Variants in PARD3 observed in about 807,000 individuals in gnomAD.
PARD3 encodes partitioning defective 3 homolog.
A neutral mutation model predicts 155.4 loss-of-function variants in PARD3; 75 were observed. The ratio of observed to expected loss-of-function variants is 0.48; its 90% CI spans 0.40 to 0.58. The LOEUF is 0.58. Among genes scored for constraint, PARD3 ranks in the 20% least tolerant of loss-of-function variants. PARD3 has a pLI of 0.00. For missense variants in PARD3, 1,642 were observed against 1,721.7 expected (o/e 0.95, Z 0.82); for synonymous variants, 576 against 610.5 (o/e 0.94, Z 0.83).
At chr10:34,363,085 T>C (rs926984076) in intron 12 of PARD3, among the ~76,000 whole-genome samples, 2 of 152,248 alleles carry the variant, frequency 1.3e-5, no homozygotes, top group African/African-American at 4.8e-5. Context: ...GCTTCAACTC[T>C]GGAAGGTTCT....
chr10:34,409,657 C>T (rs1589464333), intron 5 of PARD3, among the ~76,000 whole-genome samples: 1 of 152,232 alleles, frequency 6.6e-6, no homozygotes, highest in Non-Finnish European at 1.5e-5. Context: ...TCCCACCACA[C>T]ACTAGTGACC....
At chr10:34,602,692 T>A (rs936107901) in intron 2 of PARD3, among the ~76,000 whole-genome samples, 1 of 152,220 alleles carries the variant, frequency 6.6e-6, no homozygotes, top group Non-Finnish European at 1.5e-5. Flanking sequence ...TGTACATATG[T>A]ATAATCTATG....
chr10:34,383,627 A>T (rs1842070646), intron 8 of PARD3, among the ~76,000 whole-genome samples: 1 of 152,162 alleles, frequency 6.6e-6, no homozygotes, highest in Non-Finnish European at 1.5e-5. Flanking sequence ...GCCTTGTTTT[A>T]TAAGAACTGG....
chr10:34,734,420 C>G (rs891418853), intron 1 of PARD3, among the ~76,000 whole-genome samples: 1 of 149,262 alleles, frequency 6.7e-6, no homozygotes, highest in African/African-American at 2.5e-5. Context: ...ACTGCAAGCT[C>G]CGCCTCCTGG....
At chr10:34,316,049 A>G (rs1767379696) in intron 20 of PARD3, among the ~76,000 whole-genome samples, 1 of 152,206 alleles carries the variant, frequency 6.6e-6, no homozygotes, top group South Asian at 2.1e-4. Context: ...TGAGTTATGG[A>G]GGTCAATTTC....
At chr10:34,194,453 C>G (rs952230405) in intron 22 of PARD3, among the ~76,000 whole-genome samples, 9 of 152,138 alleles carry the variant, frequency 5.9e-5, no homozygotes, top group African/African-American at 2.2e-4. Flanking sequence ...ACCAAGATCG[C>G]ACAGAGAAAG....
intron 2 of PARD3, among the ~76,000 whole-genome samples, chr10:34,640,293 G>A (rs142690002): frequency 3.5e-4 from 53 of 152,288 alleles, no homozygotes; most frequent in African/African-American, 1.3e-3. Flanking sequence ...ACTCAGTGAA[G>A]CTGGAACTGA....
chr10:34,267,121 A>AT (rs11365497), intron 22 of PARD3, among the ~76,000 whole-genome samples: 10,324 of 149,942 alleles, frequency 0.069, 477 homozygotes, highest in Non-Finnish European at 0.097. Flanking sequence ...ATGTCAACTA[A>AT]TTTTTTTTTT....
intron 1 of PARD3, among the ~76,000 whole-genome samples, chr10:34,791,209 C>T (rs1841577311): frequency 6.6e-6 from 1 of 152,196 alleles, no homozygotes; most frequent in Admixed American, 6.5e-5. Context: ...GACGCTTGTA[C>T]CCGTCACCAA....
intron 2 of PARD3, among the ~76,000 whole-genome samples, chr10:34,681,662 T>C (rs2093823129): frequency 7.0e-6 from 1 of 142,920 alleles, no homozygotes; most frequent in South Asian, 2.2e-4. Context: ...GTATTATACA[T>C]GTTATATATA....
chr10:34,518,698 T>C (rs905534344), intron 2 of PARD3, among the ~76,000 whole-genome samples: 1 of 151,964 alleles, frequency 6.6e-6, no homozygotes, highest in African/African-American at 2.4e-5. Context: ...AAATAATAAA[T>C]AGAAGGAATG....
intron 24 of PARD3, among the ~76,000 whole-genome samples, chr10:34,117,228 C>T (rs949854935): frequency 3.9e-5 from 6 of 152,216 alleles, no homozygotes; most frequent in African/African-American, 1.2e-4. Flanking sequence ...CTTAGAGACA[C>T]TCTCAGGCAC....
chr10:34,132,957 C>A (rs551074538), intron 22 of PARD3, among the ~76,000 whole-genome samples: 1 of 152,254 alleles, frequency 6.6e-6, no homozygotes, highest in African/African-American at 2.4e-5. Context: ...CTGGGGATGG[C>A]TGGAGAGGAG....
At chr10:34,557,533 C>T (rs1171380827) in intron 2 of PARD3, among the ~76,000 whole-genome samples, 1 of 152,076 alleles carries the variant, frequency 6.6e-6, no homozygotes, top group Non-Finnish European at 1.5e-5. Context: ...GGCCAGAGTG[C>T]AATGGTGCAA....
intron 2 of PARD3, among the ~76,000 whole-genome samples, chr10:34,559,827 T>G (rs553899889): frequency 6.6e-6 from 1 of 152,292 alleles, no homozygotes; most frequent in East Asian, 1.9e-4. Flanking sequence ...AAAACGCACT[T>G]CTGAGGCTTT....
intron 20 of PARD3, among the ~76,000 whole-genome samples, chr10:34,308,583 C>T (rs1010009220): frequency 1.3e-5 from 2 of 152,092 alleles, no homozygotes. Flanking sequence ...GGAAGGCTCG[C>T]GGGAGCAGTT....
At chr10:34,528,364 G>C (rs2082616033) in intron 2 of PARD3, among the ~76,000 whole-genome samples, 1 of 152,144 alleles carries the variant, frequency 6.6e-6, no homozygotes, top group Non-Finnish European at 1.5e-5. Context: ...CAGAATAATG[G>C]AGATGGAGAC....
chr10:34,169,206 C>T (rs895995597), intron 22 of PARD3, among the ~76,000 whole-genome samples: 5 of 152,192 alleles, frequency 3.3e-5, no homozygotes, highest in African/African-American at 7.2e-5. Flanking sequence ...TTTCTATGTG[C>T]TGTGCATTGC....
chr10:34,399,536 C>T (rs942411248), intron 6 of PARD3, 123 bp from the exon 7 acceptor site: 12 of 687,058 alleles, frequency 1.7e-5, no homozygotes, highest in African/African-American at 1.6e-4. Context: ...GAGAACAGAA[C>T]AAAAATCCCA....
Sources: allele counts gnomAD v4.1 joint callset (sites outside exome capture counted in the v4.1 genomes callset), GRCh38; gene constraint gnomAD v4.1.1; transcripts MANE v1.5; gene names NCBI Gene and HGNC (gene_info 2026-07-23, HGNC 2026-07-21).